The following IDH1 variants were observed in gnomAD, a reference collection of about 807,000 sequenced individuals.
IDH1 encodes isocitrate dehydrogenase (NADP(+)) 1, also known as isocitrate dehydrogenase [NADP] cytoplasmic.
A neutral mutation model predicts 46.1 loss-of-function variants in IDH1; 33 were observed. That is an observed-to-expected ratio of 0.72 (90% confidence interval 0.54 to 0.96). The LOEUF (loss-of-function observed/expected upper bound fraction) is 0.96. Ranked by LOEUF, IDH1 falls within the 40% of genes least tolerant of loss-of-function variation. The probability of loss-of-function intolerance (pLI) is 0.00; values close to 1 mark genes in which losing one functional copy is unlikely to be tolerated. For missense variants in IDH1, 421 were observed against 515.7 expected (o/e 0.82, Z 1.78); for synonymous variants, 144 against 172.8 (o/e 0.83, Z 1.31).
Position 208,244,921 on chromosome 2 carries a change from A to G in IDH1, c.520+398T>C, listed in dbSNP as rs117747365. Among the ~76,000 whole-genome samples, 8 of 152,346 alleles carry G rather than the reference A, an allele frequency of 5.3e-5. No individual in the cohort carries two copies. In the East Asian group the frequency reaches 1.3e-3, roughly 26 times the overall value. On this transcript the variant is annotated intron_variant, in intron 5 of 9. Coordinates refer to ENST00000345146, the MANE Select transcript of IDH1 (RefSeq NM_005896.4). ...GCAAGAAGAAAACTTCAGCAAATAT[A>G]TAAGGAAACCTCTTCCAGATACAAG...
intron 5 of IDH1, among the ~76,000 whole-genome samples, chr2:208,244,992 G>T (rs1687989003): frequency 6.6e-6 from 1 of 152,210 alleles, no homozygotes; most frequent in Non-Finnish European, 1.5e-5. Flanking sequence ...GGTGATTTGA[G>T]AATATTAATA....
At chr2:208,241,285 C>T (rs765942508) in intron 7 of IDH1, among the ~76,000 whole-genome samples, 1 of 152,084 alleles carries the variant, frequency 6.6e-6, no homozygotes, top group African/African-American at 2.4e-5. Flanking sequence ...AGTATAGTGG[C>T]GTGATCTCAG....
chr2:208,243,708 A>C, intron 5 of IDH1, 104 bp from the exon 6 acceptor site: 2 of 887,544 alleles, frequency 2.3e-6, no homozygotes, highest in Non-Finnish European at 3.7e-6. Context: ...CCTACTTCTC[A>C]GCTCTCACAT....
At chr2:208,243,994 G>A (rs11685614) in intron 5 of IDH1, among the ~76,000 whole-genome samples, 134,696 of 152,290 alleles carry the variant, frequency 0.88, 60,360 homozygotes, top group East Asian at 0.99. Flanking sequence ...ATGTTGAAAT[G>A]TGATTCCCAG....
At chr2:208,242,223 A>G (rs945299242) in intron 6 of IDH1, 78 bp from the exon 7 acceptor site, 2 of 1,323,660 alleles carry the variant, frequency 1.5e-6, no homozygotes, top group Non-Finnish European at 1.1e-6. Flanking sequence ...TGTCCCAAAC[A>G]GAAGACCGGA....
At chr2:208,247,215 C>T (rs1014568201) in intron 4 of IDH1, among the ~76,000 whole-genome samples, 1 of 152,188 alleles carries the variant, frequency 6.6e-6, no homozygotes, top group Non-Finnish European at 1.5e-5. Flanking sequence ...CTCTGGATTT[C>T]AGCATGAGAG....
intron 2 of IDH1, among the ~76,000 whole-genome samples, chr2:208,253,658 G>A (rs558817059): frequency 2.0e-5 from 3 of 152,160 alleles, no homozygotes; most frequent in African/African-American, 7.2e-5. Context: ...TTTTTGGCCA[G>A]ATTGTTTTTT....
intron 5 of IDH1, 35 bp downstream of exon 5, chr2:208,245,284 A>G (rs750309673): frequency 9.5e-7 from 1 of 1,053,772 alleles, no homozygotes; most frequent in East Asian, 2.4e-5. Context: ...CATTTGTTTA[A>G]AAAAAAAAGA....
chr2:208,248,425 G>A lies in IDH1; in HGVS notation c.358C>T (p.Leu120Phe), dbSNP rs1412157898. 5 of 1,613,970 alleles carry A rather than the reference G, an allele frequency of 3.1e-6. No individual in the cohort carries two copies. In the African/African-American group the frequency reaches 4.0e-5, roughly 13 times the overall value. Residue 120 changes from leucine (L) to phenylalanine (F), a missense_variant, in exon 4 of 10, where the codon CTT (leucine) becomes TTT (phenylalanine). Transcript: ENST00000345146. ...EAIICKNIPRLVSGWVKPIII... is the reference protein window; with the variant it reads ...EAIICKNIPRFVSGWVKPIII... ...ATAGGTTTTACCCATCCACTCACAA[G>A]CCGGGGGATATTTTTGCAGATAATG...
At position 208,242,814 on chromosome 2, in the gene IDH1, C is replaced by G. The variant is rs1489288787; in HGVS notation, c.698+613G>C. Reference sequence around the variant, plus strand: ...GAGTCTCGCTCTGTCGCCCAGGCTGCAGTGCAGTGGCGTGATTTCGGCTCA... The same window carrying G: ...GAGTCTCGCTCTGTCGCCCAGGCTGGAGTGCAGTGGCGTGATTTCGGCTCA... On this transcript the variant is annotated intron_variant, in intron 6 of 9. Transcript: ENST00000345146. Among the ~76,000 whole-genome samples, 4 of 151,000 alleles carry G rather than the reference C, an allele frequency of 2.6e-5. No individual in the cohort carries two copies. In the South Asian group the frequency reaches 6.3e-4, roughly 24 times the overall value.
At position 208,248,374 on chromosome 2, in the gene IDH1, C is replaced by T. The variant is rs765230533; in HGVS notation, c.409G>A (p.Asp137Asn). The T allele has an allele frequency of 1.6e-5, 26 of 1,612,442 alleles. No individual in the cohort carries two copies. The South Asian group carries it at 1.9e-4, about 12-fold the overall frequency. ...PIIIGRHAYG[D>N]QYRATDFVVP... is the part of the protein sequence containing the mutation. ...TTATTGCCAACATGACTTACTTGATCCCCATAAGCATGACGACCTATGATG... is the reference window on the plus strand; with the variant it reads ...TTATTGCCAACATGACTTACTTGATTCCCATAAGCATGACGACCTATGATG... Residue 137 changes from aspartate to asparagine, a missense_variant, in exon 4 of 10, where the codon GAT becomes AAT. By Grantham distance (23) the Asp-to-Asn change is conservative. Transcript: ENST00000345146.
chr2:208,237,142 T>C lies in IDH1; in HGVS notation c.1182A>G (p.Thr394=), dbSNP rs771692756. The change falls in exon 10 of 10, where the codon ACA becomes ACG. Residue 394 remains threonine (T), a synonymous_variant. Transcript: ENST00000345146. Reference sequence around the variant, plus strand: ...CTCCAAGTTTATCCATGAACTCAAATGTATTCAAGTAGTCAGAACGTTGCA... The same window carrying C: ...CTCCAAGTTTATCCATGAACTCAAACGTATTCAAGTAGTCAGAACGTTGCA... The part of the protein sequence containing the change: ...PNVQRSDYLN[T]FEFMDKLGEN... The C allele has an allele frequency of 6.2e-7, 1 of 1,608,744 alleles. No homozygotes were observed. The highest frequency in any genetic ancestry group is 8.5e-7 in the Non-Finnish European group (1 of 1,176,318).
intron 3 of IDH1, among the ~76,000 whole-genome samples, chr2:208,249,940 A>G (rs1171544466): frequency 2.0e-5 from 3 of 152,194 alleles, no homozygotes; most frequent in Non-Finnish European, 2.9e-5. Flanking sequence ...GCAAATTATT[A>G]GATTTTTTGC....
In IDH1 at chr2:208,236,966, T is replaced by C; in HGVS notation, c.*113A>G. 1 of 680,228 alleles carries C rather than the reference T, an allele frequency of 1.5e-6. No individual in the cohort carries two copies. Among genetic ancestry groups the C allele is most frequent in the Non-Finnish European group, 2.6e-6 (1 of 383,444 alleles). 42.1% of individuals were successfully genotyped at this position (680,228 alleles called of 1,614,324 possible). The stretch of plus-strand genomic sequence containing the variant: ...TATAGAAAAGATAAACTCTGGCTTC[T>C]AAACAAATTACAAAATTGATTTTGC... On this transcript the variant is annotated 3_prime_UTR_variant, in exon 10 of 10. Coordinates refer to ENST00000345146, the MANE Select transcript of IDH1 (RefSeq NM_005896.4).
chr2:208,245,542 A>AAT, intron 4 of IDH1, 118 bp from the exon 5 acceptor site: 1 of 390,392 alleles, frequency 2.6e-6, no homozygotes, highest in South Asian at 2.5e-5. Context: ...AGTATGTCAA[A>AAT]CTTCTTTTTT....
chr2:208,243,216 C>A (rs1687953295), intron 6 of IDH1, among the ~76,000 whole-genome samples: 1 of 152,086 alleles, frequency 6.6e-6, no homozygotes, highest in Non-Finnish European at 1.5e-5. Context: ...CATGTGGGGA[C>A]CTTATTTAAG....
At chr2:208,254,761 CCCTTTT>C (rs1559364539) in intron 1 of IDH1, among the ~76,000 whole-genome samples, 172 bp downstream of exon 1, 1 of 152,178 alleles carries the variant, frequency 6.6e-6, no homozygotes. Flanking sequence ...TCCCCTCCTT[CCCTTTT>C]CTTTTCCCAT....
At chr2:208,240,136 C>A (rs1687892152) in intron 7 of IDH1, 133 bp from the exon 8 acceptor site, 2 of 913,018 alleles carry the variant, frequency 2.2e-6, no homozygotes, top group African/African-American at 1.6e-5. Context: ...ATGGAATCAC[C>A]AATAATTCTG....
intron 1 of IDH1, chr2:208,254,298 T>A (rs1574413496): frequency 1.3e-5 from 2 of 153,330 alleles, no homozygotes; most frequent in South Asian, 2.1e-4. Context: ...CTTCCAGGTC[T>A]CCACGCCCGC....
Sources: allele counts gnomAD v4.1 joint callset (sites outside exome capture counted in the v4.1 genomes callset), GRCh38; gene constraint gnomAD v4.1.1; transcripts MANE v1.5; gene names NCBI Gene and HGNC (gene_info 2026-07-23, HGNC 2026-07-21).